ERBB2: variants seen among roughly 807,000 people sequenced by gnomAD.
The protein encoded by ERBB2 is erb-b2 receptor tyrosine kinase 2.
A neutral mutation model predicts 149.0 loss-of-function variants in ERBB2; 61 were observed. The observed-to-expected ratio is 0.41, with a 90% CI of 0.33 to 0.51. ERBB2 has a LOEUF of 0.51. ERBB2 is among the 20% of genes least tolerant of loss of function. The pLI is 0.25. For synonymous variants in ERBB2, 633 were observed against 678.8 expected (o/e 0.93, Z 1.05); for missense variants, 1,205 against 1,655.1 (o/e 0.73, Z 4.72).
intron 7 of ERBB2, among the ~76,000 whole-genome samples, chr17:39,711,444 G>C (rs2058793377): frequency 6.6e-6 from 1 of 152,242 alleles, no homozygotes; most frequent in East Asian, 1.9e-4. Context: ...CACCCGCCTT[G>C]GTCTCCCAAA....
At position 39,710,106 on chromosome 17, in the gene ERBB2, G is replaced by A. The variant is rs772393268; in HGVS notation, c.664G>A (p.Gly222Ser). The A allele has an allele frequency of 1.4e-5, 23 of 1,609,138 alleles. No homozygotes were observed. Among genetic ancestry groups the A allele is most frequent in the South Asian group, 2.2e-5 (2 of 91,026 alleles). Residue 222 changes from glycine to serine, a missense_variant, in exon 6 of 27, where the codon GGT becomes AGT. Around this residue, in one of 6 missense-constraint regions of ERBB2, gnomAD observed 569 missense variants for 803.5 expected, o/e 0.71. Transcript: ENST00000269571. ...AACAGTGACGCGCACTGTCTGTGCC[G>A]GTGGCTGTGCCCGCTGCAAGGGGCC... ...CQSLTRTVCAGGCARCKGPLP... is the reference protein window; with the variant it reads ...CQSLTRTVCASGCARCKGPLP...
At chr17:39,689,819 C>T (rs1597835666) in intron 2 of ERBB2, among the ~76,000 whole-genome samples, 1 of 151,348 alleles carries the variant, frequency 6.6e-6, no homozygotes, top group Non-Finnish European at 1.5e-5. Flanking sequence ...GCAGGAGAAT[C>T]GCTTGAACCC....
rs2145267929 is a variant in ERBB2, at chr17:39,700,261, G to A, written c.23G>A (p.Arg8His). 6.9e-7 allele frequency: 1 copy of A among 1,441,738 alleles called. No homozygotes were observed. Among genetic ancestry groups the A allele is most frequent in the Non-Finnish European group, 9.1e-7 (1 of 1,100,256 alleles). 89.3% of individuals were successfully genotyped at this position (1,441,738 alleles called of 1,614,324 possible). Reference protein sequence around the residue: MELAALCRWGLLLALLPP... With the variant: MELAALCHWGLLLALLPP... ...ACCATGGAGCTGGCGGCCTTGTGCCGCTGGGGGCTCCTCCTCGCCCTCTTG... is the reference window on the plus strand; with the variant it reads ...ACCATGGAGCTGGCGGCCTTGTGCCACTGGGGGCTCCTCCTCGCCCTCTTG... Residue 8 changes from arginine (R) to histidine (H), a missense_variant, in exon 1 of 27, where the codon CGC becomes CAC. Arg to His is a conservative substitution (Grantham distance 29). Coordinates refer to ENST00000269571, the MANE Select transcript of ERBB2 (RefSeq NM_004448.4).
At chr17:39,694,394 G>A (rs185106091), upstream of ERBB2, among the ~76,000 whole-genome samples, 1,261 of 149,416 alleles carry the variant, frequency 8.4e-3, 42 homozygotes, top group Admixed American at 0.054. Flanking sequence ...GTTGCTGCGG[G>A]GAGAATTGCA....
chr17:39,700,096 C>A lies in ERBB2; in HGVS notation c.-143C>A. On this transcript the variant is annotated 5_prime_UTR_variant, in exon 1 of 27. Transcript: ENST00000269571. ...ATTGGGACCGGAGAAACCAGGGGAG[C>A]CCCCCGGGCAGCCGCGCGCCCCTTC... 3 of 1,279,238 alleles carry A rather than the reference C, an allele frequency of 2.3e-6. No individual in the cohort carries two copies. Among genetic ancestry groups the A allele is most frequent in the South Asian group, 2.7e-5 (1 of 36,970 alleles). The allele number at this position is 1,279,238 out of a possible 1,614,324, so 79.2% of individuals were successfully genotyped here. A position where few individuals can be genotyped will look rare whatever the true frequency, so the allele number is the denominator to read the frequency against.
At chr17:39,710,003 G>T in intron 5 of ERBB2, 83 bp from the exon 6 acceptor site, 1 of 1,505,646 alleles carries the variant, frequency 6.6e-7, no homozygotes, top group Non-Finnish European at 9.2e-7. Context: ...CCCTGGGCCA[G>T]GTAGTCTCCC....
In ERBB2 at chr17:39,728,279, C is replaced by A; in HGVS notation, c.*235C>A. The A allele has an allele frequency of 2.2e-6, 1 of 456,626 alleles. No individual in the cohort carries two copies. The highest frequency in any genetic ancestry group is 3.9e-6 in the Non-Finnish European group (1 of 255,534). The allele number at this position is 456,626 out of a possible 1,614,324, so 28.3% of individuals were successfully genotyped here. A position where few individuals can be genotyped will look rare whatever the true frequency, so the allele number is the denominator to read the frequency against. ...GGGAGTCTTTGTGGATTCTGAGGCC[C>A]TGCCCAATGAGACTCTAGGGTCCAG... is the stretch of plus-strand genomic sequence containing the variant. On this transcript the variant is annotated 3_prime_UTR_variant, in exon 27 of 27. Transcript: ENST00000269571.
chr17:39,721,261 CTTTTTTT>C (rs33957748), intron 16 of ERBB2, among the ~76,000 whole-genome samples: 22 of 82,950 alleles, frequency 2.7e-4, no homozygotes, highest in African/African-American at 6.4e-4. Flanking sequence ...TGAGCCAAGT[CTTTTTTT>C]TTTTTTTTTT....
chr17:39,727,893 A>G lies in ERBB2; in HGVS notation c.3617A>G (p.Gln1206Arg), dbSNP rs2143308506. 6.2e-7 allele frequency: 1 copy of G among 1,614,058 alleles called. No homozygotes were observed. Among genetic ancestry groups the G allele is most frequent in the Non-Finnish European group, 8.5e-7 (1 of 1,179,980 alleles). The change falls in exon 27 of 27, where the codon CAG (glutamine) becomes CGG (arginine). Residue 1206 changes from glutamine to arginine, a missense_variant. By Grantham distance (43) the Gln-to-Arg change is conservative (BLOSUM62 1). This residue lies in a region of ERBB2 where 312 missense variants were observed against 343.8 expected (regional missense o/e 0.91). Coordinates refer to ENST00000269571, the MANE Select transcript of ERBB2 (RefSeq NM_004448.4). The surrounding 1 kb of genome is among the most constrained non-coding windows in gnomAD (Gnocchi z 4.3). ...ACACCCCAGGGAGGAGCTGCCCCTC[A>G]GCCCCACCCTCCTCCTGCCTTCAGC... ...YLTPQGGAAP[Q>R]PHPPPAFSPA...
At chr17:39,710,296 C>A (rs532586406) in intron 6 of ERBB2, 44 bp from the exon 7 acceptor site, 1 of 1,613,312 alleles carries the variant, frequency 6.2e-7, no homozygotes, top group Admixed American at 1.7e-5. Flanking sequence ...CCTGGCACAC[C>A]AGGGCAAAAC....
chr17:39,690,794 T>C (rs2057677967), upstream of ERBB2, among the ~76,000 whole-genome samples: 1 of 152,188 alleles, frequency 6.6e-6, no homozygotes, highest in South Asian at 2.1e-4. Flanking sequence ...CTCAGGCTTA[T>C]TGAGTCCTCC....
At chr17:39,703,167 G>A (rs2145327932) in intron 1 of ERBB2, 1 of 152,440 alleles carries the variant, frequency 6.6e-6, no homozygotes, top group South Asian at 2.1e-4. Context: ...GGGGCTGCGG[G>A]CAGGAGGGGA....
upstream of ERBB2, among the ~76,000 whole-genome samples, chr17:39,693,667 A>G (rs1021817828): frequency 2.6e-5 from 4 of 151,992 alleles, no homozygotes; most frequent in African/African-American, 7.2e-5. Context: ...CTGAGGCAGG[A>G]GAATTGCTTG....
At chr17:39,706,429 G>C (rs2058442243) in intron 1 of ERBB2, among the ~76,000 whole-genome samples, 1 of 152,166 alleles carries the variant, frequency 6.6e-6, no homozygotes, top group African/African-American at 2.4e-5. Flanking sequence ...CAGAGCCCCG[G>C]TTGTCCCATG....
Position 39,712,066 on chromosome 17 carries a change from C to T in ERBB2, c.1021+19C>T, listed in dbSNP as rs139636338. On this transcript the variant is annotated intron_variant, in intron 8 of 26. Transcript: ENST00000269571. ...GCCCGAGGTACCCACTCACTGCCCCCGAGGCCAGCTGCAGTTCCTGTCCCT... is the reference window on the plus strand; with the variant it reads ...GCCCGAGGTACCCACTCACTGCCCCTGAGGCCAGCTGCAGTTCCTGTCCCT... 2,377 of 1,613,690 alleles carry T rather than the reference C, an allele frequency of 1.5e-3. 1 individual carries two copies. The highest frequency in any genetic ancestry group is 3.0e-3 in the Admixed American group (178 of 60,022).
chr17:39,727,728 C>T lies in ERBB2; in HGVS notation c.3452C>T (p.Ser1151Leu), dbSNP rs1357550606. The T allele has an allele frequency of 6.3e-7, 1 of 1,575,524 alleles. No individual in the cohort carries two copies. The highest frequency in any genetic ancestry group is 1.8e-5 in the Admixed American group (1 of 54,846). Residue 1151 changes from serine (S) to leucine (L), a missense_variant, in exon 27 of 27, where the codon TCG becomes TTG. Coordinates refer to ENST00000269571, the MANE Select transcript of ERBB2 (RefSeq NM_004448.4). This position sits in a 1 kb window ranked among gnomAD's most constrained non-coding sequence, Gnocchi z 4.3. ...NQPDVRPQPPSPREGPLPAAR... is the reference protein window; with the variant it reads ...NQPDVRPQPPLPREGPLPAAR... ...CCAGATGTTCGGCCCCAGCCCCCTT[C>T]GCCCCGAGAGGGCCCTCTGCCTGCT...
At chr17:39,691,865 T>TCATA (rs2057709972), upstream of ERBB2, among the ~76,000 whole-genome samples, 1 of 122,748 alleles carries the variant, frequency 8.1e-6, no homozygotes, top group East Asian at 2.2e-4. Flanking sequence ...AAAACCTTCA[T>TCATA]GATAGATATA....
Position 39,715,731 on chromosome 17 carries a change from C to T in ERBB2, c.1314-9C>T, listed in dbSNP as rs1406671547. 2 of 1,605,654 alleles carry T rather than the reference C, an allele frequency of 1.2e-6. No individual in the cohort carries two copies. Among genetic ancestry groups the T allele is most frequent in the Admixed American group, 1.7e-5 (1 of 60,022 alleles). On this transcript the variant is annotated splice_polypyrimidine_tract_variant and intron_variant, in intron 11 of 26. Coordinates refer to ENST00000269571, the MANE Select transcript of ERBB2 (RefSeq NM_004448.4). ...GGTCCGTGGTAAGGTGCCCACCTTT[C>T]TCCCATAGTGGCGCCTACTCGCTGA...
chr17:39,691,546 T>TAAAAAAAAAA (rs557885708), upstream of ERBB2, among the ~76,000 whole-genome samples: 2 of 108,466 alleles, frequency 1.8e-5, no homozygotes, highest in African/African-American at 1.0e-4. Context: ...CCATCTACAT[T>TAAAAAAAAAA]AAAAAAAAAA....
Sources: gnomAD v4.1 joint callset for allele counts (sites outside exome capture counted in the v4.1 genomes callset) on GRCh38, gnomAD v4.1.1 for gene constraint, gnomAD v4.1.1 regional missense constraint, Gnocchi (gnomAD v3.1) non-coding constraint, MANE v1.5 for transcripts, NCBI Gene and HGNC (gene_info 2026-07-23, HGNC 2026-07-21) for gene names.